Variants in TIPARP observed in about 807,000 individuals in gnomAD.
TIPARP encodes protein mono-ADP-ribosyltransferase TIPARP.
In TIPARP, 12 loss-of-function variants were observed where a neutral mutation model predicts 56.5. The ratio of observed to expected loss-of-function variants is 0.21; its 90% confidence interval spans 0.14 to 0.34. The LOEUF (loss-of-function observed/expected upper bound fraction) is 0.34, where lower values mean the gene tolerates loss of function less well. TIPARP is among the 10% of genes least tolerant of loss of function. The pLI is 1.00. For missense variants in TIPARP, 604 were observed against 781.6 expected (o/e 0.77, Z 2.71); for synonymous variants, 296 against 265.7 (o/e 1.11, Z -1.11).
chr3:156,689,533 A>G (rs1396232787), intron 2 of TIPARP, among the ~76,000 whole-genome samples: 3 of 152,200 alleles, frequency 2.0e-5, no homozygotes, highest in Non-Finnish European at 1.5e-5. Flanking sequence ...TACCACTACA[A>G]CTGGAGTGAC....
chr3:156,693,364 A>G (rs1339733241), intron 2 of TIPARP, among the ~76,000 whole-genome samples: 4 of 152,310 alleles, frequency 2.6e-5, no homozygotes, highest in African/African-American at 9.6e-5. Context: ...TAAAGGAATG[A>G]TTCAGCAGCA....
chr3:156,705,676 C>T lies in TIPARP; in HGVS notation c.*545C>T, dbSNP rs1229316785. 1 of 152,662 alleles carries T rather than the reference C, an allele frequency of 6.6e-6. No individual in the cohort carries two copies. The highest frequency in any genetic ancestry group is 1.5e-5 in the Non-Finnish European group (1 of 68,056). The allele number at this position is 152,662 out of a possible 1,614,324, so 9.5% of individuals were successfully genotyped here. On this transcript the variant is annotated 3_prime_UTR_variant, in exon 6 of 6. Transcript: ENST00000295924. Reference sequence around the variant, plus strand: ...TTCTATCAGCAGTACTAAAATGTATCAGCCAACCAGAGAACATCAGTGACT... The same window carrying T: ...TTCTATCAGCAGTACTAAAATGTATTAGCCAACCAGAGAACATCAGTGACT...
At chr3:156,683,458 T>C (rs1722353749) in intron 2 of TIPARP, among the ~76,000 whole-genome samples, 1 of 152,128 alleles carries the variant, frequency 6.6e-6, no homozygotes, top group African/African-American at 2.4e-5. Flanking sequence ...ATCTTGGTGC[T>C]CAGAAAGTTT....
chr3:156,688,636 A>G (rs114881194), intron 2 of TIPARP, among the ~76,000 whole-genome samples: 17 of 152,268 alleles, frequency 1.1e-4, no homozygotes, highest in African/African-American at 4.1e-4. Context: ...TGTTTTCACA[A>G]AATGTGTTGG....
intron 4 of TIPARP, among the ~76,000 whole-genome samples, chr3:156,702,627 C>T (rs1722880448): frequency 1.3e-5 from 2 of 152,164 alleles, no homozygotes; most frequent in Non-Finnish European, 2.9e-5. Flanking sequence ...TTGCTCTCTT[C>T]CACTTCTCTT....
chr3:156,681,789 C>T (rs1364990327), intron 2 of TIPARP, among the ~76,000 whole-genome samples: 1 of 152,140 alleles, frequency 6.6e-6, no homozygotes, highest in Non-Finnish European at 1.5e-5. Flanking sequence ...TACAAACGTT[C>T]ATTGCCAACA....
intron 4 of TIPARP, among the ~76,000 whole-genome samples, chr3:156,700,379 A>C (rs1265493918): frequency 6.6e-6 from 1 of 152,104 alleles, no homozygotes; most frequent in African/African-American, 2.4e-5. Flanking sequence ...CAGCCTCCCA[A>C]GTAGCTGGGA....
At chr3:156,690,996 T>TA (rs1722560117) in intron 2 of TIPARP, among the ~76,000 whole-genome samples, 1 of 152,188 alleles carries the variant, frequency 6.6e-6, no homozygotes, top group South Asian at 2.1e-4. Flanking sequence ...ACCCTGGACT[T>TA]AAACGTCCAC....
In TIPARP at chr3:156,695,845, T is replaced by TTTTTTTTTTTTTTCTCCA; in HGVS notation, c.1087-19_1087-18insTTTTTTTTTTTTCTCCAT. 1.4e-6 allele frequency: 2 copies of TTTTTTTTTTTTTTCTCCA among 1,438,718 alleles called. No individual in the cohort carries two copies. Among genetic ancestry groups the TTTTTTTTTTTTTTCTCCA allele is most frequent in the South Asian group, 1.5e-5 (1 of 64,770 alleles). The allele number at this position is 1,438,718 out of a possible 1,614,324, so 89.1% of individuals were successfully genotyped here. On this transcript the variant is annotated intron_variant, in intron 3 of 5. Coordinates refer to ENST00000295924, the MANE Select transcript of TIPARP (RefSeq NM_015508.5). ...ACTTTCCTTTTTTTTTTTTTTTTTG[T>TTTTTTTTTTTTTTCTCCA]TCTGTTTTCTCCTCCATAGTCTGTC...
chr3:156,706,415 G>A lies in TIPARP; in HGVS notation c.*1284G>A, dbSNP rs1722983344. ...TATATCATTTACACAAAACTTTTCA[G>A]GAACTTCTGTGTTGTTTAAGCAAGA... On this transcript the variant is annotated 3_prime_UTR_variant, in exon 6 of 6. Transcript: ENST00000295924. The A allele has an allele frequency of 6.6e-6, 1 of 152,626 alleles. No homozygotes were observed. The highest frequency in any genetic ancestry group is 1.5e-5 in the Non-Finnish European group (1 of 68,032). The allele number at this position is 152,626 out of a possible 1,614,324, so 9.5% of individuals were successfully genotyped here.
At chr3:156,684,963 G>A (rs1249664337) in intron 2 of TIPARP, among the ~76,000 whole-genome samples, 1 of 152,168 alleles carries the variant, frequency 6.6e-6, no homozygotes, top group Non-Finnish European at 1.5e-5. Flanking sequence ...GAAATTACAA[G>A]TGGTAGGTTC....
In TIPARP at chr3:156,705,244, T is replaced by C; in HGVS notation, c.*113T>C. On this transcript the variant is annotated 3_prime_UTR_variant, in exon 6 of 6. Transcript: ENST00000295924. Reference sequence around the variant, plus strand: ...GCATTGGACATTAATAGGGCACTTTTCAGACCCATTTTTTAAAGTGCTAGA... The same window carrying C: ...GCATTGGACATTAATAGGGCACTTTCCAGACCCATTTTTTAAAGTGCTAGA... The C allele has an allele frequency of 1.4e-6, 1 of 716,830 alleles. No individual in the cohort carries two copies. Among genetic ancestry groups the C allele is most frequent in the South Asian group, 2.0e-5 (1 of 49,828 alleles). 44.4% of individuals were successfully genotyped at this position (716,830 alleles called of 1,614,324 possible). A position where few individuals can be genotyped will look rare whatever the true frequency, so the allele number is the denominator to read the frequency against.
At chr3:156,699,061 G>A (rs1055343141) in intron 4 of TIPARP, among the ~76,000 whole-genome samples, 6 of 152,186 alleles carry the variant, frequency 3.9e-5, no homozygotes, top group Non-Finnish European at 8.8e-5. Flanking sequence ...AGATGTGACT[G>A]AATTGCTACT....
intron 5 of TIPARP, among the ~76,000 whole-genome samples, chr3:156,704,318 C>T (rs865961300): frequency 2.2e-4 from 33 of 152,268 alleles, no homozygotes; most frequent in Middle Eastern, 3.4e-3. Flanking sequence ...ACTGTGGTGC[C>T]TCTCAAGTCA....
At chr3:156,697,550 C>G (rs1412197168) in intron 4 of TIPARP, among the ~76,000 whole-genome samples, 1 of 151,128 alleles carries the variant, frequency 6.6e-6, no homozygotes, top group Non-Finnish European at 1.5e-5. Context: ...TTTTATGGTG[C>G]TTTGCTTTAT....
chr3:156,703,599 C>T lies in TIPARP; in HGVS notation c.1423C>T (p.Arg475Trp), dbSNP rs150068199. Residue 475 changes from arginine (R) to tryptophan (W), a missense_variant, in exon 5 of 6, where the codon CGG becomes TGG. Physicochemically the swap from Arg to Trp is moderately radical, Grantham distance 101. Transcript: ENST00000295924. ...TGTTTCTGCAGAGGATAAAAGTTAT[C>T]GGATCATTTACAATCTTTTTCATAA... ...VPVSAEDKSYRIIYNLFHKTV... is the reference protein window; with the variant it reads ...VPVSAEDKSYWIIYNLFHKTV... The T allele has an allele frequency of 1.1e-5, 18 of 1,614,166 alleles. No individual in the cohort carries two copies. The highest frequency in any genetic ancestry group is 1.4e-5 in the Non-Finnish European group (17 of 1,180,022).
In TIPARP at chr3:156,694,010, T is replaced by A. The variant is rs753095258; in HGVS notation, c.918-10T>A. The A allele has an allele frequency of 1.9e-6, 3 of 1,572,856 alleles. No homozygotes were observed. Among genetic ancestry groups the A allele is most frequent in the Non-Finnish European group, 2.6e-6 (3 of 1,167,004 alleles). On this transcript the variant is annotated splice_polypyrimidine_tract_variant and intron_variant, in intron 2 of 5. Transcript: ENST00000295924. Reference sequence around the variant, plus strand: ...GTTTTTGGGTTTTTTTTGTTTTTGTTTTTTTTTAGAGGACAAGAATTTTGG... The same window carrying A: ...GTTTTTGGGTTTTTTTTGTTTTTGTATTTTTTTAGAGGACAAGAATTTTGG...
At position 156,677,955 on chromosome 3, in the gene TIPARP, T is replaced by C; in HGVS notation, c.258T>C (p.His86=). 6.2e-7 allele frequency: 1 copy of C among 1,614,140 alleles called. No homozygotes were observed. The highest frequency in any genetic ancestry group is 8.5e-7 in the Non-Finnish European group (1 of 1,180,028). ...RNQSTDENSL[H]EPMMKKAMEI... ...AGAGTACAGATGAGAACAGCTTACA[T>C]GAACCTATGATGAAGAAAGCCATGG... The change falls in exon 2 of 6, where the codon CAT becomes CAC. Residue 86 remains histidine, a synonymous_variant. Transcript: ENST00000295924.
chr3:156,705,162 T>G lies in TIPARP; in HGVS notation c.*31T>G, dbSNP rs761445789. 5 of 1,497,488 alleles carry G rather than the reference T, an allele frequency of 3.3e-6. No individual in the cohort carries two copies. Among genetic ancestry groups the G allele is most frequent in the Non-Finnish European group, 4.5e-6 (5 of 1,111,014 alleles). 92.8% of individuals were successfully genotyped at this position (1,497,488 alleles called of 1,614,324 possible). On this transcript the variant is annotated 3_prime_UTR_variant, in exon 6 of 6. Transcript: ENST00000295924. ...CTTGGTACTGCTAAATTATTTGATA[T>G]GAACTCAATCCAGCATTTGTAGCAG...
Sources: gnomAD v4.1 joint callset for allele counts (sites outside exome capture counted in the v4.1 genomes callset) on GRCh38, gnomAD v4.1.1 for gene constraint, MANE v1.5 for transcripts, NCBI Gene and HGNC (gene_info 2026-07-23, HGNC 2026-07-21) for gene names.